Variants in SLC24A3 observed in about 807,000 individuals in gnomAD.
SLC24A3 encodes the protein sodium/potassium/calcium exchanger 3.
SLC24A3 carries 28 observed loss-of-function variants against 75.8 expected under a neutral mutation model. The observed-to-expected ratio is 0.37, with a 90% CI of 0.27 to 0.51. The LOEUF is 0.51. SLC24A3 is among the 20% of genes least tolerant of loss of function. The pLI is 0.94. For synonymous variants in SLC24A3, 372 were observed against 334.1 expected (o/e 1.11, Z -1.24); for missense variants, 663 against 847.8 (o/e 0.78, Z 2.71).
At chr20:19,670,202 G>T (rs1035885022) in intron 8 of SLC24A3, among the ~76,000 whole-genome samples, 7 of 152,160 alleles carry the variant, frequency 4.6e-5, no homozygotes, top group African/African-American at 1.7e-4. Context: ...ACACTGAGGA[G>T]AGGGGGTGGG....
intron 2 of SLC24A3, among the ~76,000 whole-genome samples, chr20:19,477,528 G>T (rs1987980963): frequency 6.6e-6 from 1 of 152,202 alleles, no homozygotes; most frequent in Non-Finnish European, 1.5e-5. Flanking sequence ...CTTCCACAGT[G>T]TAAGTGTGTG....
chr20:19,550,305 A>G (rs1471689445), intron 3 of SLC24A3, among the ~76,000 whole-genome samples: 2 of 152,180 alleles, frequency 1.3e-5, no homozygotes, highest in African/African-American at 2.4e-5. Flanking sequence ...AAATTAGAGG[A>G]AAAACATTTG....
chr20:19,656,568 T>C (rs2032269312), intron 7 of SLC24A3, among the ~76,000 whole-genome samples: 1 of 152,226 alleles, frequency 6.6e-6, no homozygotes, highest in Non-Finnish European at 1.5e-5. Flanking sequence ...ACACTGACTG[T>C]GTGCACTCTG....
chr20:19,342,481 A>G (rs910619162), intron 2 of SLC24A3, among the ~76,000 whole-genome samples: 3 of 152,236 alleles, frequency 2.0e-5, no homozygotes, highest in African/African-American at 7.2e-5. Flanking sequence ...ATATTCAATT[A>G]TACAGCAATC....
At chr20:19,622,404 G>C (rs1408780691) in intron 6 of SLC24A3, among the ~76,000 whole-genome samples, 1 of 152,180 alleles carries the variant, frequency 6.6e-6, no homozygotes. Context: ...GCTGGTAAAA[G>C]TGTTTAGTGA....
chr20:19,366,722 A>G (rs563200343), intron 2 of SLC24A3, among the ~76,000 whole-genome samples: 4 of 152,278 alleles, frequency 2.6e-5, no homozygotes, highest in East Asian at 1.9e-4. Context: ...AGAAAAAAAA[A>G]TAGGGGCTGA....
intron 6 of SLC24A3, among the ~76,000 whole-genome samples, chr20:19,590,531 T>C (rs948436544): frequency 6.6e-6 from 1 of 151,848 alleles, no homozygotes; most frequent in Non-Finnish European, 1.5e-5. Flanking sequence ...GGGAGGGAGA[T>C]GAAATTGCAA....
chr20:19,605,052 A>C (rs4813365), intron 6 of SLC24A3, among the ~76,000 whole-genome samples: 3 of 151,992 alleles, frequency 2.0e-5, no homozygotes, highest in African/African-American at 7.2e-5. Flanking sequence ...TAGAACACTC[A>C]GTCTGACCAC....
chr20:19,377,022 GAA>G (rs994066824), intron 2 of SLC24A3, among the ~76,000 whole-genome samples: 3 of 152,200 alleles, frequency 2.0e-5, no homozygotes, highest in African/African-American at 4.8e-5. Flanking sequence ...AAAAGCTTGG[GAA>G]AGACACATTC....
chr20:19,338,741 A>G (rs1985196410), intron 2 of SLC24A3, among the ~76,000 whole-genome samples: 1 of 152,132 alleles, frequency 6.6e-6, no homozygotes, highest in Non-Finnish European at 1.5e-5. Flanking sequence ...ACATCAATAG[A>G]ATAGGAGTAA....
chr20:19,713,278 A>G (rs545167513), intron 15 of SLC24A3, among the ~76,000 whole-genome samples: 1 of 152,318 alleles, frequency 6.6e-6, no homozygotes, highest in South Asian at 2.1e-4. Context: ...AATTCTTCCA[A>G]CTTTCCTGAA....
intron 6 of SLC24A3, among the ~76,000 whole-genome samples, chr20:19,617,341 A>G (rs1276161012): frequency 1.3e-5 from 2 of 152,124 alleles, no homozygotes; most frequent in African/African-American, 4.8e-5. Context: ...CCCCTAAAGC[A>G]CCTCTGAGTG....
intron 2 of SLC24A3, among the ~76,000 whole-genome samples, chr20:19,305,441 C>T (rs753800900): frequency 1.9e-4 from 29 of 152,048 alleles, no homozygotes; most frequent in Non-Finnish European, 3.4e-4. Context: ...GTGAATGCTA[C>T]GCCCTGACGG....
At chr20:19,436,159 T>C (rs73900120) in intron 2 of SLC24A3, among the ~76,000 whole-genome samples, 4,171 of 152,286 alleles carry the variant, frequency 0.027, 166 homozygotes, top group East Asian at 0.1. Context: ...GAGGTAAGGA[T>C]CACTGTTTTC....
intron 2 of SLC24A3, among the ~76,000 whole-genome samples, chr20:19,418,843 T>G (rs1483207621): frequency 6.6e-6 from 1 of 152,198 alleles, no homozygotes; most frequent in Non-Finnish European, 1.5e-5. Flanking sequence ...TTGGGTCATG[T>G]CAGTGGGACT....
chr20:19,476,097 C>G (rs1160045613), intron 2 of SLC24A3, among the ~76,000 whole-genome samples: 1 of 152,228 alleles, frequency 6.6e-6, no homozygotes, highest in Non-Finnish European at 1.5e-5. Context: ...ATTCTTCTGT[C>G]AGACCCACGC....
chr20:19,298,581 C>A (rs1468315053), intron 2 of SLC24A3, among the ~76,000 whole-genome samples: 1 of 150,450 alleles, frequency 6.6e-6, no homozygotes, highest in Non-Finnish European at 1.5e-5. Context: ...GGAAGTGAGA[C>A]CAGGAAGGAA....
chr20:19,286,207 A>T (rs1828301850), intron 2 of SLC24A3, among the ~76,000 whole-genome samples: 1 of 152,186 alleles, frequency 6.6e-6, no homozygotes, highest in South Asian at 2.1e-4. Context: ...GATGGCCAGG[A>T]GTGCCTACAG....
chr20:19,583,221 C>T (rs3827993), intron 4 of SLC24A3, among the ~76,000 whole-genome samples: 117,857 of 152,010 alleles, frequency 0.78, 46,322 homozygotes, highest in South Asian at 0.89. Context: ...GAGAGATTGA[C>T]GCTGCGAGGG....
Sources: allele counts gnomAD v4.1 joint callset (sites outside exome capture counted in the v4.1 genomes callset), GRCh38; gene constraint gnomAD v4.1.1; transcripts MANE v1.5; gene names NCBI Gene and HGNC (gene_info 2026-07-23, HGNC 2026-07-21).